PTPN2: variants seen among roughly 807,000 people sequenced by gnomAD.
PTPN2 encodes the protein tyrosine-protein phosphatase non-receptor type 2.
PTPN2 carries 19 observed loss-of-function variants against 57.3 expected under a neutral mutation model. That is an observed-to-expected ratio of 0.33 (90% CI 0.23 to 0.49). The LOEUF (loss-of-function observed/expected upper bound fraction) is 0.49, where lower values mean the gene tolerates loss of function less well. PTPN2 is among the 20% of genes least tolerant of loss of function. The pLI is 0.99. For synonymous variants in PTPN2, 153 were observed against 164.9 expected (o/e 0.93, Z 0.55); for missense variants, 358 against 501.1 (o/e 0.71, Z 2.73).
At chr18:12,856,942 C>T (rs1035603097) in intron 2 of PTPN2, among the ~76,000 whole-genome samples, 1 of 151,606 alleles carries the variant, frequency 6.6e-6, no homozygotes, top group South Asian at 2.1e-4. Flanking sequence ...CACCTGTAAT[C>T]CCAGCTACTT....
intron 2 of PTPN2, among the ~76,000 whole-genome samples, chr18:12,847,683 C>T (rs756154002): frequency 2.1e-4 from 30 of 146,236 alleles, no homozygotes; most frequent in Non-Finnish European, 3.7e-4. Flanking sequence ...AATGCAATGG[C>T]GCAATCTCGG....
chr18:12,794,861 A>G (rs2041109915), intron 8 of PTPN2, among the ~76,000 whole-genome samples: 1 of 152,060 alleles, frequency 6.6e-6, no homozygotes, highest in African/African-American at 2.4e-5. Flanking sequence ...GACCTCAAGC[A>G]ATTCACCCGC....
At chr18:12,865,219 G>A (rs1490738121) in intron 1 of PTPN2, among the ~76,000 whole-genome samples, 1 of 152,190 alleles carries the variant, frequency 6.6e-6, no homozygotes, top group Non-Finnish European at 1.5e-5. Flanking sequence ...GGCTGAGGTG[G>A]GAGAATCACT....
chr18:12,801,814 C>T (rs2041437241), intron 8 of PTPN2, 156 bp downstream of exon 8: 1 of 714,038 alleles, frequency 1.4e-6, no homozygotes, highest in Admixed American at 2.7e-5. Context: ...AGTGATCTTC[C>T]CTCCTTGGCC....
chr18:12,785,901 G>A (rs541255897), intron 9 of PTPN2: 9 of 1,387,174 alleles, frequency 6.5e-6, no homozygotes, highest in Middle Eastern at 3.6e-4. Context: ...ACACACAGAC[G>A]AACATAGATG....
At position 12,792,351 on chromosome 18, in the gene PTPN2, C is replaced by T. The variant is rs1362228369; in HGVS notation, c.*1927G>A. 1.6e-5 allele frequency: 8 copies of T among 501,878 alleles called. No homozygotes were observed. Among genetic ancestry groups the T allele is most frequent in the East Asian group, 1.5e-4 (1 of 6,626 alleles). The allele number at this position is 501,878 out of a possible 1,614,324, so 31.1% of individuals were successfully genotyped here. A position where few individuals can be genotyped will look rare whatever the true frequency, so the allele number is the denominator to read the frequency against. On this transcript the variant is annotated 3_prime_UTR_variant, in exon 9 of 9. Transcript: ENST00000309660. The stretch of plus-strand genomic sequence containing the variant: ...AGGCTGGAGTGCAGTGGTGCAATCT[C>T]GGCTCACTGCAACCTCTGCCTCCCG...
chr18:12,852,568 T>C (rs2145448491), intron 2 of PTPN2, among the ~76,000 whole-genome samples: 1 of 152,276 alleles, frequency 6.6e-6, no homozygotes, highest in Admixed American at 6.5e-5. Flanking sequence ...CAGGCTGGAG[T>C]GCAGTGGCAC....
chr18:12,826,451 T>A (rs538631034), intron 4 of PTPN2, among the ~76,000 whole-genome samples: 2 of 152,308 alleles, frequency 1.3e-5, no homozygotes, highest in East Asian at 3.9e-4. Flanking sequence ...ATTTTTTATG[T>A]GTGTGCAGTC....
At chr18:12,835,341 A>G (rs1418088960) in intron 3 of PTPN2, among the ~76,000 whole-genome samples, 1 of 149,694 alleles carries the variant, frequency 6.7e-6, no homozygotes, top group African/African-American at 2.5e-5. Context: ...CTTGAGTCTG[A>G]TGCGTTAAAA....
intron 2 of PTPN2, among the ~76,000 whole-genome samples, chr18:12,854,949 G>A (rs557822094): frequency 2.6e-5 from 4 of 152,250 alleles, no homozygotes; most frequent in South Asian, 2.1e-4. Flanking sequence ...TCAGGAGTTC[G>A]AGACCAGCCC....
At chr18:12,872,374 A>C (rs2044297078) in intron 1 of PTPN2, 1 of 152,244 alleles carries the variant, frequency 6.6e-6, no homozygotes, top group African/African-American at 2.4e-5. Flanking sequence ...GAATGAAAGC[A>C]GTTTGAAAAA....
At chr18:12,814,380 C>G (rs2041995080) in intron 6 of PTPN2, 25 bp from the exon 7 acceptor site, 1 of 1,563,156 alleles carries the variant, frequency 6.4e-7, no homozygotes, top group Non-Finnish European at 8.6e-7. Flanking sequence ...AAAAATGAGA[C>G]AAGTCTTGTT....
At chr18:12,803,490 C>A (rs1480396365) in intron 7 of PTPN2, among the ~76,000 whole-genome samples, 1 of 152,124 alleles carries the variant, frequency 6.6e-6, no homozygotes, top group African/African-American at 2.4e-5. Context: ...CTCTATGTTG[C>A]CTACAAGACA....
chr18:12,843,662 T>A (rs1383187201), intron 2 of PTPN2, among the ~76,000 whole-genome samples: 1 of 152,222 alleles, frequency 6.6e-6, no homozygotes, highest in Non-Finnish European at 1.5e-5. Context: ...AGCAGCCTTC[T>A]TGCCACAGTT....
At chr18:12,804,064 T>G (rs1250834627) in intron 7 of PTPN2, among the ~76,000 whole-genome samples, 1 of 150,210 alleles carries the variant, frequency 6.7e-6, no homozygotes. Flanking sequence ...CTTTGGGAGG[T>G]AGAGGCTGGA....
chr18:12,876,973 A>G (rs1187206571), intron 1 of PTPN2, among the ~76,000 whole-genome samples: 1 of 152,322 alleles, frequency 6.6e-6, no homozygotes, highest in East Asian at 1.9e-4. Flanking sequence ...AGGTAGTCAC[A>G]TGGGTAAATT....
chr18:12,870,405 G>A lies in PTPN2; in HGVS notation c.70-11151C>T, dbSNP rs1384246285. Reference sequence around the variant, plus strand: ...TATACGTATATATGTATATATACACGTATATATATGTATATATATACGTAT... The same window carrying A: ...TATACGTATATATGTATATATACACATATATATATGTATATATATACGTAT... On this transcript the variant is annotated intron_variant, in intron 1 of 8. Transcript: ENST00000309660. Among the ~76,000 whole-genome samples the A allele has an allele frequency of 2.8e-4, 13 of 46,594 alleles. 1 individual carries two copies. Among genetic ancestry groups the A allele is most frequent in the African/African-American group, 1.9e-3 (11 of 5,788 alleles). The allele number at this position is 46,594 out of a possible 152,430, so 30.6% of individuals were successfully genotyped here.
intron 4 of PTPN2, among the ~76,000 whole-genome samples, chr18:12,826,841 T>C (rs1219753461): frequency 2.0e-5 from 3 of 151,712 alleles, no homozygotes; most frequent in Admixed American, 6.6e-5. Context: ...AGTGCTGGGA[T>C]TACAGGCGTG....
intron 5 of PTPN2, among the ~76,000 whole-genome samples, chr18:12,821,867 A>T (rs1451567485): frequency 6.6e-6 from 1 of 152,210 alleles, no homozygotes; most frequent in African/African-American, 2.4e-5. Context: ...AGGATGGTGG[A>T]AAGATTGCAT....
Sources: allele counts gnomAD v4.1 joint callset (sites outside exome capture counted in the v4.1 genomes callset), GRCh38; gene constraint gnomAD v4.1.1; transcripts MANE v1.5; gene names NCBI Gene and HGNC (gene_info 2026-07-23, HGNC 2026-07-21).